BTBD1: variants seen among roughly 807,000 people sequenced by gnomAD.
BTBD1 encodes BTB domain containing 1, also known as BTB/POZ domain-containing protein 1.
Under a neutral mutation model 48.0 loss-of-function variants are expected in BTBD1, and 34 were observed. That is an observed-to-expected ratio of 0.71 (90% confidence interval 0.54 to 0.94). The LOEUF (loss-of-function observed/expected upper bound fraction) is 0.94, where lower values mean the gene tolerates loss of function less well. Among genes scored for constraint, BTBD1 ranks in the 40% least tolerant of loss-of-function variants. The pLI is 0.00. For synonymous variants in BTBD1, 261 were observed against 242.1 expected (o/e 1.08, Z -0.72); for missense variants, 543 against 625.6 (o/e 0.87, Z 1.41).
At chr15:83,022,042 C>T (rs941149447) in intron 5 of BTBD1, among the ~76,000 whole-genome samples, 3 of 151,888 alleles carry the variant, frequency 2.0e-5, no homozygotes, top group Non-Finnish European at 4.4e-5. Context: ...TAAACGCTTA[C>T]AAACATGTAA....
rs986248565 is a variant in BTBD1, at chr15:83,044,705, G to A, written c.665-2780C>T. On this transcript the variant is annotated intron_variant, in intron 3 of 7. Coordinates refer to ENST00000261721, the MANE Select transcript of BTBD1 (RefSeq NM_025238.4). Reference sequence around the variant, plus strand: ...CAATAACAAGAAAACTGAAAGATGGGAAATTAGTGGTGTACTGTGTCATGA... The same window carrying A: ...CAATAACAAGAAAACTGAAAGATGGAAAATTAGTGGTGTACTGTGTCATGA... The A allele has an allele frequency of 1.9e-5, 28 of 1,472,716 alleles. 1 individual carries two copies. The South Asian group carries it at 3.1e-4, about 16-fold the overall frequency. 91.2% of individuals were successfully genotyped at this position (1,472,716 alleles called of 1,614,324 possible). A position where few individuals can be genotyped will look rare whatever the true frequency, so the allele number is the denominator to read the frequency against.
chr15:83,027,008 A>G (rs901264084), intron 5 of BTBD1, among the ~76,000 whole-genome samples: 4 of 152,082 alleles, frequency 2.6e-5, no homozygotes, highest in Non-Finnish European at 4.4e-5. Flanking sequence ...ATGTATGTCT[A>G]CATATACACA....
At chr15:83,061,410 G>A (rs894683416) in intron 1 of BTBD1, 2 of 152,146 alleles carry the variant, frequency 1.3e-5, no homozygotes, top group South Asian at 2.1e-4. Flanking sequence ...GTATATATTA[G>A]GCACTCATAT....
At chr15:83,038,572 A>C (rs1276096224) in intron 4 of BTBD1, among the ~76,000 whole-genome samples, 1 of 152,242 alleles carries the variant, frequency 6.6e-6, no homozygotes, top group East Asian at 1.9e-4. Flanking sequence ...GGAACAAAAA[A>C]AAAGCCTAAA....
chr15:83,035,916 T>C (rs757930773), intron 4 of BTBD1, among the ~76,000 whole-genome samples: 1 of 151,744 alleles, frequency 6.6e-6, no homozygotes, highest in Non-Finnish European at 1.5e-5. Context: ...ATAGACTAAT[T>C]TCTCTCATTC....
intron 3 of BTBD1, 127 bp from the exon 4 acceptor site, chr15:83,042,052 C>G: frequency 1.4e-6 from 1 of 704,062 alleles, no homozygotes; most frequent in Non-Finnish European, 2.4e-6. Flanking sequence ...CTTAAAACTA[C>G]AGACTTTATA....
At chr15:83,031,007 T>C (rs1027854207) in intron 4 of BTBD1, among the ~76,000 whole-genome samples, 4 of 152,198 alleles carry the variant, frequency 2.6e-5, no homozygotes, top group Admixed American at 2.0e-4. Context: ...TGTGTCTTTA[T>C]AGCAGCATGA....
At position 83,018,131 on chromosome 15, in the gene BTBD1, G is replaced by A. The variant is rs751528043; in HGVS notation, c.1385C>T (p.Pro462Leu). The stretch of plus-strand genomic sequence containing the variant: ...TATTGAAGTGCCATTATTATTGCCA[G>A]GGGAACTAAAAAAGAAAAAAACAGT... ...SKTVFFFFSSPGNNNGTSIED... is the reference protein window; with the variant it reads ...SKTVFFFFSSLGNNNGTSIED... The change falls in exon 8 of 8, where the codon CCT becomes CTT. Residue 462 changes from proline to leucine, a missense_variant. Physicochemically the swap from Pro to Leu is moderately conservative, Grantham distance 98. Around this residue, in one of 3 missense-constraint regions of BTBD1, gnomAD observed 300 missense variants for 350.0 expected, o/e 0.86. Coordinates refer to ENST00000261721, the MANE Select transcript of BTBD1 (RefSeq NM_025238.4). The A allele has an allele frequency of 6.2e-7, 1 of 1,611,636 alleles. No individual in the cohort carries two copies. The highest frequency in any genetic ancestry group is 1.1e-5 in the South Asian group (1 of 90,702).
At chr15:83,040,699 C>CAAAA (rs71156070) in intron 4 of BTBD1, among the ~76,000 whole-genome samples, 3 of 57,218 alleles carry the variant, frequency 5.2e-5, no homozygotes, top group African/African-American at 6.6e-5. Context: ...GACCCTGTCT[C>CAAAA]AAAAAAAAAA....
At position 83,024,784 on chromosome 15, in the gene BTBD1, T is replaced by A. The variant is rs191099537; in HGVS notation, c.1056-4022A>T. On this transcript the variant is annotated intron_variant, in intron 5 of 7. Coordinates refer to ENST00000261721, the MANE Select transcript of BTBD1 (RefSeq NM_025238.4). ...CATGCTGAATTTTTGAATTTTTTTGTAGAGATGGAGTTTCACCATGTTGTG... is the reference window on the plus strand; with the variant it reads ...CATGCTGAATTTTTGAATTTTTTTGAAGAGATGGAGTTTCACCATGTTGTG... Among the ~76,000 whole-genome samples the A allele has an allele frequency of 1.2e-4, 18 of 152,224 alleles. No homozygotes were observed. In the East Asian group the frequency reaches 3.5e-3, roughly 29 times the overall value.
intron 3 of BTBD1, chr15:83,044,425 G>C (rs2151307997): frequency 4.4e-6 from 7 of 1,580,426 alleles, no homozygotes; most frequent in Non-Finnish European, 5.2e-6. Flanking sequence ...CAAACGCTTT[G>C]ATGAATACAT....
chr15:83,036,567 A>AAT (rs1356278539), intron 4 of BTBD1, among the ~76,000 whole-genome samples: 3 of 152,196 alleles, frequency 2.0e-5, no homozygotes, highest in African/African-American at 7.2e-5. Context: ...TGACTTAGCA[A>AAT]TTCCACTCGT....
intron 4 of BTBD1, among the ~76,000 whole-genome samples, chr15:83,033,124 CT>C (rs1016124370): frequency 1.5e-4 from 23 of 151,878 alleles, no homozygotes; most frequent in African/African-American, 5.6e-4. Flanking sequence ...ACTCAGGAGG[CT>C]GGGGTGGGAG....
rs767022667 is a variant in BTBD1, at chr15:83,042,054, GACTTTAT to G, written c.665-136_665-130del. ...AATAGGTTAGACACTTAAAACTACA[GACTTTAT>G]ACTTTAAAATACTAAATAATTAAAG... On this transcript the variant is annotated intron_variant, in intron 3 of 7. Transcript: ENST00000261721. The G allele has an allele frequency of 9.0e-4, 616 of 686,914 alleles. 1 individual carries two copies. Among genetic ancestry groups the G allele is most frequent in the Non-Finnish European group, 1.4e-3 (554 of 410,208 alleles). The allele number at this position is 686,914 out of a possible 1,614,324, so 42.6% of individuals were successfully genotyped here.
chr15:83,028,203 T>G (rs550254927), intron 5 of BTBD1, among the ~76,000 whole-genome samples: 1 of 152,330 alleles, frequency 6.6e-6, no homozygotes, highest in Admixed American at 6.5e-5. Context: ...GAGGTTTCAA[T>G]AGTTTATCAT....
At chr15:83,023,026 T>A (rs1193094190) in intron 5 of BTBD1, among the ~76,000 whole-genome samples, 1 of 152,018 alleles carries the variant, frequency 6.6e-6, no homozygotes, top group Non-Finnish European at 1.5e-5. Flanking sequence ...AAGAGGAAAA[T>A]TTTAAAGCTT....
At chr15:83,044,537 G>C in intron 3 of BTBD1, 2 of 1,593,890 alleles carry the variant, frequency 1.3e-6, no homozygotes, top group Non-Finnish European at 1.7e-6. Flanking sequence ...TAAAAACCGA[G>C]AGCACTTTGA....
intron 2 of BTBD1, among the ~76,000 whole-genome samples, chr15:83,054,395 T>C (rs752721916): frequency 2.6e-5 from 4 of 151,904 alleles, no homozygotes; most frequent in Non-Finnish European, 4.4e-5. Context: ...CACAGCATCA[T>C]AGTGAGGAGT....
At chr15:83,023,249 GT>G (rs2032335351) in intron 5 of BTBD1, among the ~76,000 whole-genome samples, 1 of 151,958 alleles carries the variant, frequency 6.6e-6, no homozygotes, top group African/African-American at 2.4e-5. Flanking sequence ...ATTATTTGCA[GT>G]TTTTGTTATT....
Sources: gnomAD v4.1 joint callset for allele counts (sites outside exome capture counted in the v4.1 genomes callset) on GRCh38, gnomAD v4.1.1 for gene constraint, gnomAD v4.1.1 regional missense constraint, MANE v1.5 for transcripts, NCBI Gene and HGNC (gene_info 2026-07-23, HGNC 2026-07-21) for gene names.